Variants in PPM1A observed in about 807,000 individuals in gnomAD.
PPM1A encodes the protein protein phosphatase 1A.
In PPM1A, 7 loss-of-function variants were observed where a neutral mutation model predicts 35.0. The observed-to-expected ratio is 0.20, with a 90% CI of 0.11 to 0.38. PPM1A has a LOEUF of 0.38. Among genes scored for constraint, PPM1A ranks in the 10% least tolerant of loss-of-function variants. PPM1A has a pLI of 1.00. For synonymous variants in PPM1A, 153 were observed against 167.3 expected (o/e 0.91, Z 0.66); for missense variants, 239 against 467.8 (o/e 0.51, Z 4.51).
chr14:60,259,546 A>G (rs17097243), intron 1 of PPM1A, among the ~76,000 whole-genome samples: 4,023 of 152,120 alleles, frequency 0.026, 160 homozygotes, highest in African/African-American at 0.091. Flanking sequence ...TAGGAATTTA[A>G]TCCACTTCAG....
chr14:60,285,876 A>G lies in PPM1A; in HGVS notation c.952+135A>G. On this transcript the variant is annotated intron_variant, in intron 3 of 5. Coordinates refer to ENST00000395076, the MANE Select transcript of PPM1A (RefSeq NM_021003.5). Reference sequence around the variant, plus strand: ...CTAGTGTATGAAAGTGGAAAAGGACATTTCTGTAGTAGCTGTTAAGATGTA... The same window carrying G: ...CTAGTGTATGAAAGTGGAAAAGGACGTTTCTGTAGTAGCTGTTAAGATGTA... 2.1e-6 allele frequency: 3 copies of G among 1,438,838 alleles called. No homozygotes were observed. The South Asian group carries it at 4.7e-5, about 23-fold the overall frequency. 89.1% of individuals were successfully genotyped at this position (1,438,838 alleles called of 1,614,324 possible). A position where few individuals can be genotyped will look rare whatever the true frequency, so the allele number is the denominator to read the frequency against.
chr14:60,285,616 C>T lies in PPM1A; in HGVS notation c.835-8C>T. On this transcript the variant is annotated splice_polypyrimidine_tract_variant and splice_region_variant and intron_variant, in intron 2 of 5. Transcript: ENST00000395076. The stretch of plus-strand genomic sequence containing the variant: ...AACTAAAATATTCTCAAATTTTTTT[C>T]TTCCCAGGGAAGTCGAGACAACATG... 1 of 1,608,740 alleles carries T rather than the reference C, an allele frequency of 6.2e-7. No homozygotes were observed. The highest frequency in any genetic ancestry group is 8.5e-7 in the Non-Finnish European group (1 of 1,178,156).
intron 1 of PPM1A, among the ~76,000 whole-genome samples, chr14:60,272,507 G>C (rs1276453020): frequency 1.3e-5 from 2 of 151,956 alleles, no homozygotes; most frequent in Non-Finnish European, 2.9e-5. Flanking sequence ...AGGAGTTTGA[G>C]ACCAGCGTAG....
chr14:60,278,285 G>A (rs575270181), intron 1 of PPM1A, among the ~76,000 whole-genome samples: 1 of 151,484 alleles, frequency 6.6e-6, no homozygotes, highest in African/African-American at 2.4e-5. Flanking sequence ...ATAATCCTAT[G>A]TGCTTTTAAA....
At chr14:60,278,921 C>T (rs1461285366) in intron 1 of PPM1A, among the ~76,000 whole-genome samples, 1 of 152,020 alleles carries the variant, frequency 6.6e-6, no homozygotes, top group Admixed American at 6.6e-5. Flanking sequence ...TATGGTTCTC[C>T]AAAAAGATCA....
intron 1 of PPM1A, among the ~76,000 whole-genome samples, chr14:60,271,821 A>G (rs1031169608): frequency 2.6e-5 from 4 of 152,136 alleles, no homozygotes; most frequent in African/African-American, 9.7e-5. Context: ...CATGATTTTA[A>G]AGTATTACTT....
At chr14:60,259,798 C>T (rs1216095078) in intron 1 of PPM1A, among the ~76,000 whole-genome samples, 1 of 152,010 alleles carries the variant, frequency 6.6e-6, no homozygotes, top group Non-Finnish European at 1.5e-5. Flanking sequence ...TTTTTATAGT[C>T]ACTAGAGCTC....
chr14:60,283,646 A>G lies in PPM1A; in HGVS notation c.834+109A>G. The G allele has an allele frequency of 1.9e-6, 2 of 1,055,930 alleles. No homozygotes were observed. The highest frequency in any genetic ancestry group is 2.7e-6 in the Non-Finnish European group (2 of 741,416). The allele number at this position is 1,055,930 out of a possible 1,614,324, so 65.4% of individuals were successfully genotyped here. A position where few individuals can be genotyped will look rare whatever the true frequency, so the allele number is the denominator to read the frequency against. ...AATTCTGAAACCAGTTTTTGGCACA[A>G]CTGTAGGATACTGTTCACCAATTAT... On this transcript the variant is annotated intron_variant, in intron 2 of 5. Transcript: ENST00000395076. The surrounding 1 kb of genome is among the most constrained non-coding windows in gnomAD (Gnocchi z 6.3).
chr14:60,284,736 T>TAA (rs1439652907), intron 2 of PPM1A, among the ~76,000 whole-genome samples: 174 of 148,670 alleles, frequency 1.2e-3, no homozygotes, highest in African/African-American at 3.9e-3. Flanking sequence ...TATATATATA[T>TAA]AATGCCTAGT....
upstream of PPM1A, among the ~76,000 whole-genome samples, chr14:60,247,791 G>A (rs147222352): frequency 2.0e-4 from 31 of 152,260 alleles, 1 homozygote; most frequent in East Asian, 6.0e-3. Context: ...AAGAGTTGGG[G>A]CAACAAAATG....
chr14:60,259,201 A>G (rs1308436258), intron 1 of PPM1A, among the ~76,000 whole-genome samples: 2 of 152,108 alleles, frequency 1.3e-5, no homozygotes, highest in African/African-American at 4.8e-5. Context: ...AAAATGTTAG[A>G]TTATATCAAC....
At chr14:60,245,901 A>G, upstream of PPM1A, 1 of 1,590,632 alleles carries the variant, frequency 6.3e-7, no homozygotes, top group South Asian at 1.1e-5. This position sits in a 1 kb window ranked among gnomAD's most constrained non-coding sequence, Gnocchi z 4.2. Context: ...GTACTAAGCT[A>G]ATGAAAAGAG....
rs1887861133 is a variant in PPM1A, at chr14:60,293,889, G to A, written c.*1407G>A. 1 of 151,954 alleles carries A rather than the reference G, an allele frequency of 6.6e-6. No individual in the cohort carries two copies. Among genetic ancestry groups the A allele is most frequent in the Admixed American group, 6.6e-5 (1 of 15,220 alleles). 9.4% of individuals were successfully genotyped at this position (151,954 alleles called of 1,614,324 possible). On this transcript the variant is annotated 3_prime_UTR_variant, in exon 6 of 6. Transcript: ENST00000395076. This position sits in a 1 kb window ranked among gnomAD's most constrained non-coding sequence, Gnocchi z 4.0. ...GGCTTAAATTCCTCTGATTAAGCAT[G>A]TGAAAGTAAGTTTTAAAATCTGTCG...
At chr14:60,285,846 A>G in intron 3 of PPM1A, 105 bp downstream of exon 3, 1 of 1,496,506 alleles carries the variant, frequency 6.7e-7, no homozygotes. Context: ...TTTGACAGCT[A>G]GTGTCTAGTG....
chr14:60,252,494 A>G (rs990374647), intron 1 of PPM1A, among the ~76,000 whole-genome samples: 3 of 152,194 alleles, frequency 2.0e-5, no homozygotes, highest in African/African-American at 7.2e-5. Flanking sequence ...AAGATAAAAC[A>G]ACACATGGCC....
chr14:60,270,270 A>T (rs1884926025), intron 1 of PPM1A, among the ~76,000 whole-genome samples: 1 of 152,128 alleles, frequency 6.6e-6, no homozygotes, highest in Non-Finnish European at 1.5e-5. Context: ...TTTTTTTAAA[A>T]GCTCTGTTGA....
chr14:60,297,384 C>A lies in PPM1A; in HGVS notation c.*4902C>A, dbSNP rs1888136668. On this transcript the variant is annotated 3_prime_UTR_variant, in exon 6 of 6. Coordinates refer to ENST00000395076, the MANE Select transcript of PPM1A (RefSeq NM_021003.5). ...TGTCACATAAACCAACAAGAATGAA[C>A]CTTTGCTGCTTCAGATAATTTGATT... is the stretch of plus-strand genomic sequence containing the variant. The A allele has an allele frequency of 6.6e-6, 1 of 151,596 alleles. No individual in the cohort carries two copies. The highest frequency in any genetic ancestry group is 1.5e-5 in the Non-Finnish European group (1 of 67,640). The allele number at this position is 151,596 out of a possible 1,614,324, so 9.4% of individuals were successfully genotyped here.
At chr14:60,291,617 G>A (rs1369152157) in intron 5 of PPM1A, among the ~76,000 whole-genome samples, 163 bp downstream of exon 5, 1 of 151,964 alleles carries the variant, frequency 6.6e-6, no homozygotes, top group Non-Finnish European at 1.5e-5. Context: ...CTGCACCACA[G>A]TTCTAGTGAT....
At chr14:60,254,363 G>A (rs941793348) in intron 1 of PPM1A, among the ~76,000 whole-genome samples, 5 of 152,140 alleles carry the variant, frequency 3.3e-5, no homozygotes, top group African/African-American at 1.2e-4. Context: ...TTAATGATTA[G>A]GTGGGAGTAG....
Sources: allele counts gnomAD v4.1 joint callset (sites outside exome capture counted in the v4.1 genomes callset), GRCh38; gene constraint gnomAD v4.1.1; non-coding constraint Gnocchi (gnomAD v3.1); transcripts MANE v1.5; gene names NCBI Gene and HGNC (gene_info 2026-07-23, HGNC 2026-07-21).